Variants in RAD54B observed in about 807,000 individuals in gnomAD.
RAD54B encodes the protein DNA repair and recombination protein RAD54B.
In RAD54B, 78 loss-of-function variants were observed where a neutral mutation model predicts 95.8. That is an observed-to-expected ratio of 0.81 (90% CI 0.68 to 0.98). The LOEUF (loss-of-function observed/expected upper bound fraction) is 0.98. RAD54B is among the 50% of genes least tolerant of loss of function. RAD54B has a pLI of 0.00. For synonymous variants in RAD54B, 328 were observed against 354.9 expected (o/e 0.92, Z 0.85); for missense variants, 957 against 1,056.6 (o/e 0.91, Z 1.31).
chr8:94,454,017 C>T (rs1269324838), intron 3 of RAD54B, among the ~76,000 whole-genome samples: 1 of 152,106 alleles, frequency 6.6e-6, no homozygotes, highest in South Asian at 2.1e-4. Context: ...TCTTGAACTC[C>T]TGACCTCAGG....
intron 11 of RAD54B, among the ~76,000 whole-genome samples, chr8:94,385,641 A>C (rs1467762677): frequency 2.0e-5 from 3 of 152,166 alleles, no homozygotes; most frequent in African/African-American, 7.2e-5. Flanking sequence ...GTCTCACTCT[A>C]TCACCTAGGC....
Position 94,429,126 on chromosome 8 carries a change from G to C in RAD54B, c.305-17811C>G, listed in dbSNP as rs914723623. ...AAAGTTGCTGCAGTAAACTCAAAGA[G>C]TGTGATTCTGGTGTTTAAAAATATG... On this transcript the variant is annotated intron_variant, in intron 3 of 14. Coordinates refer to ENST00000336148, the MANE Select transcript of RAD54B (RefSeq NM_012415.3). 3.0e-6 allele frequency: 3 copies of C among 984,484 alleles called. No individual in the cohort carries two copies. The African/African-American group carries it at 5.2e-5, about 17-fold the overall frequency. 61.0% of individuals were successfully genotyped at this position (984,484 alleles called of 1,614,324 possible). A position where few individuals can be genotyped will look rare whatever the true frequency, so the allele number is the denominator to read the frequency against.
intron 6 of RAD54B, among the ~76,000 whole-genome samples, chr8:94,403,829 T>C (rs1285277840): frequency 5.9e-5 from 9 of 152,160 alleles, no homozygotes; most frequent in Non-Finnish European, 1.2e-4. Flanking sequence ...AAAAGCCACT[T>C]AAAAGTAAGG....
chr8:94,406,027 C>T (rs72672701), intron 5 of RAD54B, among the ~76,000 whole-genome samples: 11 of 150,536 alleles, frequency 7.3e-5, no homozygotes, highest in South Asian at 4.2e-4. Flanking sequence ...CACACACACA[C>T]ATATATATAA....
At chr8:94,456,737 A>T (rs1333793610) in intron 3 of RAD54B, among the ~76,000 whole-genome samples, 2 of 152,182 alleles carry the variant, frequency 1.3e-5, no homozygotes, top group African/African-American at 4.8e-5. Context: ...AAAAGATGTG[A>T]AAGGGTGAGT....
At chr8:94,421,461 C>T (rs539450292) in intron 3 of RAD54B, among the ~76,000 whole-genome samples, 4 of 152,258 alleles carry the variant, frequency 2.6e-5, no homozygotes, top group East Asian at 3.9e-4. Context: ...TCCACTTGAG[C>T]GGATTCAGTG....
chr8:94,419,221 G>A (rs1253908482), intron 3 of RAD54B, among the ~76,000 whole-genome samples: 1 of 152,048 alleles, frequency 6.6e-6, no homozygotes, highest in Non-Finnish European at 1.5e-5. Context: ...TAAAATTAAA[G>A]CAAAAAGGTT....
At chr8:94,442,155 G>A (rs555636319) in intron 3 of RAD54B, among the ~76,000 whole-genome samples, 17 of 152,290 alleles carry the variant, frequency 1.1e-4, no homozygotes, top group African/African-American at 2.9e-4. Flanking sequence ...GACAAATACC[G>A]TATGTTCTCT....
At chr8:94,430,844 G>T in intron 3 of RAD54B, 1 of 985,444 alleles carries the variant, frequency 1.0e-6, no homozygotes, top group South Asian at 4.7e-5. Context: ...AGTCCAGGGA[G>T]ATGTCCTTCC....
At chr8:94,402,495 C>T (rs758277736) in intron 6 of RAD54B, among the ~76,000 whole-genome samples, 13 of 152,168 alleles carry the variant, frequency 8.5e-5, no homozygotes, top group African/African-American at 3.1e-4. Context: ...CTCAAGTGAT[C>T]CGCCTGCCTT....
chr8:94,423,586 C>A (rs531714165), intron 3 of RAD54B, among the ~76,000 whole-genome samples: 20 of 152,202 alleles, frequency 1.3e-4, no homozygotes, highest in Admixed American at 1.3e-3. Context: ...TTATCAGGAT[C>A]GTATTAATCC....
At chr8:94,388,556 G>C (rs143815371) in intron 10 of RAD54B, among the ~76,000 whole-genome samples, 1 of 152,118 alleles carries the variant, frequency 6.6e-6, no homozygotes, top group African/African-American at 2.4e-5. Flanking sequence ...GGTTGTTTAA[G>C]ATCGAATGAC....
chr8:94,434,349 G>GA (rs745455323), intron 3 of RAD54B, among the ~76,000 whole-genome samples: 21 of 151,394 alleles, frequency 1.4e-4, no homozygotes, highest in Non-Finnish European at 2.5e-4. Context: ...TAAAAAGGGA[G>GA]AAAAAAAGCT....
intron 3 of RAD54B, chr8:94,428,412 G>A (rs1474440557): frequency 1.5e-6 from 1 of 669,212 alleles, no homozygotes; most frequent in East Asian, 1.4e-4. Context: ...ACCCCATCAA[G>A]ATCCACAGAT....
chr8:94,389,346 C>T (rs1019296650), intron 10 of RAD54B, among the ~76,000 whole-genome samples: 1 of 152,202 alleles, frequency 6.6e-6, no homozygotes, highest in Non-Finnish European at 1.5e-5. Context: ...TGCCTGGGTC[C>T]TACTCTCAAA....
At chr8:94,436,540 T>C in intron 3 of RAD54B, 1 of 1,550,278 alleles carries the variant, frequency 6.5e-7, no homozygotes. Context: ...ACTGGAAATC[T>C]GGGGAATCAT....
At chr8:94,380,016 G>A in intron 12 of RAD54B, 129 bp downstream of exon 12, 1 of 1,005,366 alleles carries the variant, frequency 9.9e-7, no homozygotes, top group Non-Finnish European at 1.4e-6. Context: ...GCACTTAGGA[G>A]AGTGCCTCAC....
At chr8:94,455,104 C>A (rs112284799) in intron 3 of RAD54B, among the ~76,000 whole-genome samples, 15 of 152,200 alleles carry the variant, frequency 9.9e-5, no homozygotes, top group African/African-American at 3.4e-4. Context: ...TACTTACAAA[C>A]TTTATTTACA....
chr8:94,395,220 T>C (rs1811115324), intron 8 of RAD54B, among the ~76,000 whole-genome samples: 1 of 152,186 alleles, frequency 6.6e-6, no homozygotes, highest in African/African-American at 2.4e-5. Context: ...TGTCTCATAC[T>C]GCGTTCACTG....
Sources: gnomAD v4.1 joint callset for allele counts (sites outside exome capture counted in the v4.1 genomes callset) on GRCh38, gnomAD v4.1.1 for gene constraint, MANE v1.5 for transcripts, NCBI Gene and HGNC (gene_info 2026-07-23, HGNC 2026-07-21) for gene names.